Variants in RP1 observed in about 807,000 individuals in gnomAD.
RP1 encodes RP1 axonemal microtubule associated, also known as oxygen-regulated protein 1.
RP1 carries 16 observed loss-of-function variants against 14.8 expected under a neutral mutation model. That is an observed-to-expected ratio of 1.08 (90% CI 0.73 to 1.65). The LOEUF (loss-of-function observed/expected upper bound fraction) is 1.65, where lower values mean the gene tolerates loss of function less well. Ranked by LOEUF, RP1 falls within the 40% of genes most tolerant of loss-of-function variation. The pLI is 0.00. For missense variants in RP1, 2,631 were observed against 2,535.0 expected, an observed-to-expected ratio of 1.04 and a Z score of -0.81; for synonymous variants, 876 against 883.6, an observed-to-expected ratio of 0.99 and a Z score of 0.15.
rs1017327596 is a variant in RP1, at chr8:54,698,475, G to A, written c.1718-992G>A. Among the ~76,000 whole-genome samples, 15 of 152,204 alleles carry A rather than the reference G, an allele frequency of 9.9e-5. 1 individual carries two copies. The highest frequency in any genetic ancestry group is 4.1e-4 in the South Asian group (2 of 4,826). On this transcript the variant is annotated intron_variant, in intron 12 of 22. Transcript: ENST00000636932. ...TAGTTCAACCATTGTGGAAGACAGT[G>A]TGGTGATTCCTCAAGGATCTAGAAC...
chr8:54,719,950 T>C (rs1808495589), intron 15 of RP1, among the ~76,000 whole-genome samples: 1 of 152,240 alleles, frequency 6.6e-6, no homozygotes, highest in Non-Finnish European at 1.5e-5. Context: ...TCATGTGGTC[T>C]CTGTTTCTGG....
chr8:54,871,150 T>C (rs1030035246), exon 29 of RP1: 2 of 151,940 alleles, frequency 1.3e-5, no homozygotes, highest in Non-Finnish European at 2.9e-5. Context: ...TAAATCATAT[T>C]CCAAATATCC....
intron 15 of RP1, among the ~76,000 whole-genome samples, chr8:54,715,445 A>G (rs1343808514): frequency 6.6e-6 from 1 of 152,232 alleles, no homozygotes; most frequent in African/African-American, 2.4e-5. Flanking sequence ...ATGTAGTTAT[A>G]TTCAATTTTT....
chr8:54,819,694 A>AT (rs1369416649), intron 24 of RP1, among the ~76,000 whole-genome samples: 1 of 152,210 alleles, frequency 6.6e-6, no homozygotes, highest in Non-Finnish European at 1.5e-5. Context: ...AGGGGGCACC[A>AT]TAAGCCCAGC....
Position 54,690,276 on chromosome 8 carries a change from G to A in RP1, c.1718-9191G>A, listed in dbSNP as rs560839436. On this transcript the variant is annotated intron_variant, in intron 12 of 22. Coordinates refer to the RP1 transcript ENST00000636932. The stretch of plus-strand genomic sequence containing the variant: ...CTATTTCTAGTGAATATCCTGTGAT[G>A]ATTAGCTGCAGTTCTTGTCTCTGTC... Among the ~76,000 whole-genome samples the A allele has an allele frequency of 8.5e-5, 13 of 152,122 alleles. No homozygotes were observed. In the South Asian group the frequency reaches 2.7e-3, roughly 32 times the overall value.
chr8:54,611,581 G>C (rs1258410483), upstream of RP1, among the ~76,000 whole-genome samples: 2 of 151,782 alleles, frequency 1.3e-5, no homozygotes, highest in African/African-American at 4.8e-5. Flanking sequence ...TTCTTATTTT[G>C]TTCATACATC....
intron 25 of RP1, among the ~76,000 whole-genome samples, chr8:54,844,532 G>A (rs553360665): frequency 5.3e-5 from 8 of 152,102 alleles, no homozygotes; most frequent in African/African-American, 1.9e-4. Context: ...GTGTGCGTGT[G>A]TAGACAAGCT....
At chr8:54,789,973 C>A (rs1810420941) in intron 24 of RP1, among the ~76,000 whole-genome samples, 1 of 152,156 alleles carries the variant, frequency 6.6e-6, no homozygotes. Flanking sequence ...CACTGTCTGG[C>A]CAGAGAGATT....
chr8:54,856,633 G>A (rs906850167), intron 26 of RP1, among the ~76,000 whole-genome samples: 2 of 152,158 alleles, frequency 1.3e-5, no homozygotes, highest in Non-Finnish European at 2.9e-5. Flanking sequence ...ACTGTGAAAT[G>A]AGAAAGTGAG....
At chr8:54,668,050 G>T (rs1212261615) in intron 7 of RP1, among the ~76,000 whole-genome samples, 1 of 152,082 alleles carries the variant, frequency 6.6e-6, no homozygotes, top group Non-Finnish European at 1.5e-5. Context: ...GAGAATTTTA[G>T]ACCAATATCC....
chr8:54,768,555 G>A (rs1809821690), intron 22 of RP1, among the ~76,000 whole-genome samples: 2 of 152,142 alleles, frequency 1.3e-5, no homozygotes, highest in South Asian at 4.1e-4. Flanking sequence ...GTAAGTGTGT[G>A]GGATAGCAAT....
At chr8:54,658,878 A>G (rs553280455) in intron 6 of RP1, among the ~76,000 whole-genome samples, 151 of 129,626 alleles carry the variant, frequency 1.2e-3, no homozygotes, top group African/African-American at 4.8e-3. Flanking sequence ...ATTCTCCCCA[A>G]CACTTGTTTT....
intron 25 of RP1, among the ~76,000 whole-genome samples, chr8:54,839,638 C>T (rs1051376790): frequency 1.3e-5 from 2 of 152,114 alleles, no homozygotes; most frequent in African/African-American, 4.8e-5. Context: ...CTGCTGATTT[C>T]CTCAACAATT....
intron 1 of RP1, among the ~76,000 whole-genome samples, chr8:54,603,440 G>C (rs1337419167): frequency 6.6e-6 from 1 of 152,150 alleles, no homozygotes; most frequent in Non-Finnish European, 1.5e-5. Context: ...GGTTACTGTA[G>C]CCTTGTAGTA....
chr8:54,594,709 T>A (rs1282865838), intron 1 of RP1, among the ~76,000 whole-genome samples: 1 of 152,170 alleles, frequency 6.6e-6, no homozygotes, highest in Non-Finnish European at 1.5e-5. Flanking sequence ...TGGAAAGAAT[T>A]GAAACACAGA....
chr8:54,701,104 CAAAATTTAGGAATGAGAT>C (rs1808005096), intron 13 of RP1, among the ~76,000 whole-genome samples: 1 of 151,820 alleles, frequency 6.6e-6, no homozygotes, highest in Admixed American at 6.6e-5. Context: ...TTTTTGAAAG[CAAAATTTAGGAATGAGAT>C]AAAATTTCTA....
chr8:54,720,182 A>G (rs1159287302), exon 16 of RP1: 4 of 1,535,818 alleles, frequency 2.6e-6, no homozygotes, highest in Non-Finnish European at 3.5e-6. Context: ...TGAAGAATGC[A>G]TCCATAAGCC....
At chr8:54,862,027 T>A (rs948986969) in intron 27 of RP1, among the ~76,000 whole-genome samples, 1 of 152,162 alleles carries the variant, frequency 6.6e-6, no homozygotes, top group African/African-American at 2.4e-5. Flanking sequence ...TCACAGCTGG[T>A]AGGTGTTACT....
chr8:54,755,794 C>T, intron 21 of RP1: 1 of 1,429,416 alleles, frequency 7.0e-7, no homozygotes, highest in South Asian at 1.4e-5. Flanking sequence ...AATAATTTCC[C>T]AGATTCTTAA....
Sources: gnomAD v4.1 joint callset for allele counts (sites outside exome capture counted in the v4.1 genomes callset) on GRCh38, gnomAD v4.1.1 for gene constraint, MANE v1.5 for transcripts, NCBI Gene and HGNC (gene_info 2026-07-23, HGNC 2026-07-21) for gene names.